STOX2: variants seen among roughly 807,000 people sequenced by gnomAD.
STOX2 encodes storkhead box 2, also known as storkhead-box protein 2.
A neutral mutation model predicts 60.9 loss-of-function variants in STOX2; 28 were observed. That is an observed-to-expected ratio of 0.46 (90% confidence interval 0.34 to 0.63). STOX2 has a LOEUF of 0.63. Ranked by LOEUF, STOX2 falls within the 30% of genes least tolerant of loss-of-function variation. The pLI, the probability that STOX2 is intolerant of heterozygous loss-of-function variation, is 0.01. For missense variants in STOX2, 1,024 were observed against 1,187.7 expected (o/e 0.86, Z 2.03); for synonymous variants, 472 against 463.9 (o/e 1.02, Z -0.22).
rs1300670720 is a variant in STOX2 at position 184,019,292 on chromosome 4, T to C, written c.*2008T>C. On this transcript the variant is annotated 3_prime_UTR_variant, in exon 4 of 4. Coordinates refer to ENST00000308497, the MANE Select transcript of STOX2 (RefSeq NM_020225.3). ...CCAAGGCATGCCTCAACGCATTGTT[T>C]GTCTCATTGCTTAAATATGTCCAGA... 1 of 152,262 alleles carries C rather than the reference T, an allele frequency of 6.6e-6. No homozygotes were observed. Among genetic ancestry groups the C allele is most frequent in the Non-Finnish European group, 1.5e-5 (1 of 68,046 alleles). 9.4% of individuals were successfully genotyped at this position (152,262 alleles called of 1,614,324 possible). A position where few individuals can be genotyped will look rare whatever the true frequency, so the allele number is the denominator to read the frequency against.
chr4:183,942,579 T>TA (rs34629021), intron 1 of STOX2, among the ~76,000 whole-genome samples: 9 of 151,018 alleles, frequency 6.0e-5, no homozygotes, highest in Admixed American at 1.3e-4. Flanking sequence ...TTCCTTTTCT[T>TA]AAAAAAAAAG....
At chr4:183,819,229 C>G (rs1455787320) in intron 1 of STOX2, among the ~76,000 whole-genome samples, 2 of 152,084 alleles carry the variant, frequency 1.3e-5, no homozygotes, top group Non-Finnish European at 2.9e-5. Flanking sequence ...GCCGAGATCA[C>G]GCCGCTGCAC....
At chr4:183,990,649 A>C (rs1733071281) in intron 1 of STOX2, among the ~76,000 whole-genome samples, 1 of 122,844 alleles carries the variant, frequency 8.1e-6, no homozygotes, top group Non-Finnish European at 1.6e-5. Flanking sequence ...TGGTTTTGCT[A>C]ATTTTAAGAA....
At chr4:183,929,273 A>G (rs1742341317) in intron 1 of STOX2, among the ~76,000 whole-genome samples, 1 of 152,210 alleles carries the variant, frequency 6.6e-6, no homozygotes, top group African/African-American at 2.4e-5. Context: ...TATCAAGTAC[A>G]CAGCTATCAT....
At chr4:183,923,309 T>C (rs1477755322) in intron 1 of STOX2, among the ~76,000 whole-genome samples, 1 of 152,236 alleles carries the variant, frequency 6.6e-6, no homozygotes, top group African/African-American at 2.4e-5. Context: ...TTTTTTTCCT[T>C]GATAGTAGCC....
In STOX2 at chr4:183,811,139, G is replaced by A. The variant is rs187992635; in HGVS notation, c.364+13084G>A. On this transcript the variant is annotated intron_variant, in intron 1 of 2. Transcript: ENST00000513034. ...AAGAGACTGACTACAGTTTGGCCAA[G>A]CAGAGAATCTTTGTCACTGACCAAG... 1.7e-3 allele frequency among the ~76,000 whole-genome samples: 252 copies of A among 152,320 alleles called. 3 individuals carry two copies. Among genetic ancestry groups the A allele is most frequent in the African/African-American group, 5.8e-3 (239 of 41,562 alleles).
intron 1 of STOX2, among the ~76,000 whole-genome samples, chr4:183,885,699 T>G (rs1249151581): frequency 5.3e-5 from 8 of 152,228 alleles, no homozygotes; most frequent in Admixed American, 5.2e-4. Context: ...GTCCTGCTCC[T>G]TATATACACT....
intron 1 of STOX2, chr4:183,798,546 G>C (rs1738687246): frequency 5.6e-6 from 5 of 891,150 alleles, no homozygotes; most frequent in Non-Finnish European, 6.7e-6. Context: ...GACTGCGGGG[G>C]ACGCGCCGGG....
chr4:183,921,283 G>A (rs1742093163), intron 1 of STOX2, among the ~76,000 whole-genome samples: 2 of 152,266 alleles, frequency 1.3e-5, no homozygotes, highest in South Asian at 4.1e-4. Context: ...CAAGTTCAAG[G>A]TAATCAAGAA....
intron 1 of STOX2, among the ~76,000 whole-genome samples, chr4:183,925,568 T>C (rs1287101232): frequency 6.6e-6 from 1 of 152,188 alleles, no homozygotes; most frequent in Non-Finnish European, 1.5e-5. Flanking sequence ...GAAGGACACT[T>C]GAGCTCTTCT....
intron 1 of STOX2, among the ~76,000 whole-genome samples, chr4:183,813,141 T>C (rs28621930): frequency 0.27 from 41,806 of 152,076 alleles, 6,748 homozygotes; most frequent in African/African-American, 0.45. Flanking sequence ...CCCAGCACTT[T>C]GGGAAGCCGA....
chr4:184,009,835 C>T lies in STOX2; in HGVS notation c.997C>T (p.Leu333Phe), dbSNP rs371277250. 7.7e-5 allele frequency: 124 copies of T among 1,611,748 alleles called. No homozygotes were observed. The African/African-American group carries it at 1.5e-3, about 19-fold the overall frequency. The part of the protein sequence containing the change: ...TVENVMRHTA[L>F]MKKLEEEKAQ... Reference sequence around the variant, plus strand: ...GGAAAATGTCATGCGGCACACCGCGCTCATGAAGAAACTGGAAGAAGAAAA... The same window carrying T: ...GGAAAATGTCATGCGGCACACCGCGTTCATGAAGAAACTGGAAGAAGAAAA... The change falls in exon 3 of 4, where the codon CTC becomes TTC. Residue 333 changes from leucine to phenylalanine, a missense_variant. Physicochemically the swap from Leu to Phe is conservative, Grantham distance 22. This residue lies in a region of STOX2 where 922 missense variants were observed against 1,058.3 expected (regional missense o/e 0.87). Coordinates refer to ENST00000308497, the MANE Select transcript of STOX2 (RefSeq NM_020225.3). The surrounding 1 kb of genome is among the most constrained non-coding windows in gnomAD (Gnocchi z 4.0).
intron 1 of STOX2, among the ~76,000 whole-genome samples, chr4:183,850,013 T>A (rs79466870): frequency 2.4e-4 from 37 of 152,114 alleles, no homozygotes; most frequent in African/African-American, 8.7e-4. Context: ...GTCCAGGCTG[T>A]AGTGCAGTGG....
At chr4:183,852,997 T>C (rs969512777) in intron 1 of STOX2, among the ~76,000 whole-genome samples, 10 of 152,082 alleles carry the variant, frequency 6.6e-5, no homozygotes, top group African/African-American at 2.2e-4. Flanking sequence ...CCGGGGCACT[T>C]TGGAGTGGGA....
At chr4:183,837,066 T>C (rs1215468172) in intron 1 of STOX2, among the ~76,000 whole-genome samples, 14 of 152,042 alleles carry the variant, frequency 9.2e-5, no homozygotes, top group Admixed American at 9.2e-4. Context: ...TAGACTGACA[T>C]CTATGCTGGT....
rs1267351132 is a variant in STOX2 at position 183,865,538 on chromosome 4, G to C, written c.364+67483G>C. Among the ~76,000 whole-genome samples, 3 of 152,176 alleles carry C rather than the reference G, an allele frequency of 2.0e-5. No individual in the cohort carries two copies. The highest frequency in any genetic ancestry group is 4.8e-5 in the African/African-American group (2 of 41,440). ...ATAATACAATTTAATAAAAGACCTT[G>C]TTAGTAGTATCAAAAAGCATTATAG... On this transcript the variant is annotated intron_variant, in intron 1 of 2. Transcript: ENST00000513034. The surrounding 1 kb of genome is among the most constrained non-coding windows in gnomAD (Gnocchi z 4.1).
chr4:183,904,690 G>A (rs747606277), upstream of STOX2, among the ~76,000 whole-genome samples: 6 of 152,182 alleles, frequency 3.9e-5, no homozygotes, highest in African/African-American at 9.6e-5. Context: ...TATAGAGGGC[G>A]GTCTTGAGAT....
intron 1 of STOX2, among the ~76,000 whole-genome samples, chr4:183,945,076 C>T (rs1244810848): frequency 6.6e-6 from 1 of 152,220 alleles, no homozygotes; most frequent in East Asian, 1.9e-4. Context: ...AAAAGAGTGC[C>T]TCTGGGTATG....
chr4:183,918,713 C>T (rs142230713), intron 1 of STOX2, among the ~76,000 whole-genome samples: 111 of 152,322 alleles, frequency 7.3e-4, no homozygotes, highest in Non-Finnish European at 9.7e-4. Context: ...GTCAGCACGG[C>T]CTCTGGGTTG....
Sources: gnomAD v4.1 joint callset for allele counts (sites outside exome capture counted in the v4.1 genomes callset) on GRCh38, gnomAD v4.1.1 for gene constraint, gnomAD v4.1.1 regional missense constraint, Gnocchi (gnomAD v3.1) non-coding constraint, MANE v1.5 for transcripts, NCBI Gene and HGNC (gene_info 2026-07-23, HGNC 2026-07-21) for gene names.